The following CTTNBP2 variants were observed in gnomAD, a reference collection of about 807,000 sequenced individuals.
CTTNBP2 encodes cortactin-binding protein 2.
CTTNBP2 carries 108 observed loss-of-function variants against 156.9 expected under a neutral mutation model. The observed-to-expected ratio is 0.69, with a 90% CI of 0.59 to 0.81. The LOEUF is 0.81. Among genes scored for constraint, CTTNBP2 ranks in the 30% least tolerant of loss-of-function variants. CTTNBP2 has a pLI of 0.00. For synonymous variants in CTTNBP2, 767 were observed against 751.8 expected (o/e 1.02, Z -0.33); for missense variants, 1,924 against 2,035.4 (o/e 0.95, Z 1.05).
intron 8 of CTTNBP2, among the ~76,000 whole-genome samples, chr7:117,769,851 C>T (rs1481632841): frequency 6.6e-6 from 1 of 152,180 alleles, no homozygotes; most frequent in Non-Finnish European, 1.5e-5. Flanking sequence ...TAGGTAAGAG[C>T]CACAACAGAC....
chr7:117,791,196 G>A lies in CTTNBP2; in HGVS notation c.2000C>T (p.Ser667Phe), dbSNP rs1798979828. The A allele has an allele frequency of 3.7e-6, 6 of 1,614,176 alleles. No individual in the cohort carries two copies. The East Asian group carries it at 1.3e-4, about 36-fold the overall frequency. ...GGATGAGGCACTAACGGGGTTTATG[G>A]AAGAGCAAAAGGCAATGGTGGTAGG... is the stretch of plus-strand genomic sequence containing the variant. ...VIPTTIAFCS[S>F]INPVSASSCR... The change falls in exon 4 of 23, where the codon TCC (serine) becomes TTC (phenylalanine). Residue 667 changes from serine (S) to phenylalanine (F), a missense_variant. Physicochemically the swap from Ser to Phe is radical, Grantham distance 155 (BLOSUM62 -2). Transcript: ENST00000160373.
intron 2 of CTTNBP2, among the ~76,000 whole-genome samples, chr7:117,812,415 T>A (rs974751626): frequency 6.6e-6 from 1 of 152,058 alleles, no homozygotes; most frequent in African/African-American, 2.4e-5. Flanking sequence ...TAAAGGGAAC[T>A]GAATTGGAAA....
chr7:117,805,431 G>A (rs998781539), intron 3 of CTTNBP2, among the ~76,000 whole-genome samples: 1 of 152,168 alleles, frequency 6.6e-6, no homozygotes, highest in Non-Finnish European at 1.5e-5. Flanking sequence ...CAGACTGCTT[G>A]TCTTCAAGCC....
rs529938858 is a variant in CTTNBP2, at chr7:117,780,422, A to G, written c.2523+19T>C. On this transcript the variant is annotated intron_variant, in intron 7 of 22. Transcript: ENST00000160373. ...TGCAAATTATATATACAGGGGGAAA[A>G]AAACAGACTGCTACTCACTGTGGTT... 6.7e-6 allele frequency: 10 copies of G among 1,486,522 alleles called. No homozygotes were observed. In the South Asian group the frequency reaches 1.4e-4, roughly 21 times the overall value. The allele number at this position is 1,486,522 out of a possible 1,614,324, so 92.1% of individuals were successfully genotyped here. A position where few individuals can be genotyped will look rare whatever the true frequency, so the allele number is the denominator to read the frequency against.
intron 17 of CTTNBP2, among the ~76,000 whole-genome samples, chr7:117,727,156 G>A (rs1189440061): frequency 1.3e-5 from 2 of 152,096 alleles, no homozygotes; most frequent in Non-Finnish European, 2.9e-5. Context: ...CCAATTAGCT[G>A]TTATAAAAAT....
At chr7:117,736,923 TA>T (rs2116499193) in intron 14 of CTTNBP2, among the ~76,000 whole-genome samples, 1 of 152,354 alleles carries the variant, frequency 6.6e-6, no homozygotes, top group African/African-American at 2.4e-5. Context: ...TTTTTACAAA[TA>T]TTCATGATAG....
At position 117,760,549 on chromosome 7, in the gene CTTNBP2, G is replaced by C. The variant is rs200207426; in HGVS notation, c.3058C>G (p.His1020Asp). Residue 1020 changes from histidine to aspartate, a missense_variant, in exon 10 of 23, where the codon CAT becomes GAT. Coordinates refer to ENST00000160373, the MANE Select transcript of CTTNBP2 (RefSeq NM_033427.3). ...CCATCAGAAGAGATTGCCTGGAAAT[G>C]ATTTGTCAGAGCTTGACTCACTGCT... is the stretch of plus-strand genomic sequence containing the variant. ...SKAVSQALTN[H>D]FQAISSDGWW... is the part of the protein sequence containing the mutation. 1.2e-6 allele frequency: 2 copies of C among 1,614,172 alleles called. No homozygotes were observed. Among genetic ancestry groups the C allele is most frequent in the Non-Finnish European group, 1.7e-6 (2 of 1,180,016 alleles).
rs2116298477 is a variant in CTTNBP2 at position 117,711,271 on chromosome 7, C to T, written c.*266G>A. 1 of 359,690 alleles carries T rather than the reference C, an allele frequency of 2.8e-6. No homozygotes were observed. Among genetic ancestry groups the T allele is most frequent in the East Asian group, 5.9e-5 (1 of 17,016 alleles). The allele number at this position is 359,690 out of a possible 1,614,324, so 22.3% of individuals were successfully genotyped here. On this transcript the variant is annotated 3_prime_UTR_variant, in exon 23 of 23. Transcript: ENST00000160373. Reference sequence around the variant, plus strand: ...ATACCCCTGAACATCTTGATTAAAACTATTACAATTTTTCTATTATAAAAC... The same window carrying T: ...ATACCCCTGAACATCTTGATTAAAATTATTACAATTTTTCTATTATAAAAC...
intron 2 of CTTNBP2, among the ~76,000 whole-genome samples, chr7:117,845,630 C>G (rs576201604): frequency 6.6e-6 from 1 of 152,276 alleles, no homozygotes; most frequent in Admixed American, 6.5e-5. Flanking sequence ...CAGGCACTAC[C>G]AATGCTCATT....
Position 117,835,864 on chromosome 7 carries a change from G to C in CTTNBP2, c.190-24875C>G, listed in dbSNP as rs531188319. Among the ~76,000 whole-genome samples the C allele has an allele frequency of 3.3e-5, 5 of 152,216 alleles. No individual in the cohort carries two copies. In the East Asian group the frequency reaches 9.7e-4, roughly 29 times the overall value. On this transcript the variant is annotated intron_variant, in intron 2 of 22. Transcript: ENST00000160373. ...TTCCTAGCTCTGTGATCTCTGCCAA[G>C]TTGCTAACCACTCTAAGCCTCAGTT...
At position 117,728,245 on chromosome 7, in the gene CTTNBP2, G is replaced by A. The variant is rs374131377; in HGVS notation, c.3899C>T (p.Pro1300Leu). 3 of 1,613,750 alleles carry A rather than the reference G, an allele frequency of 1.9e-6. 1 individual carries two copies. Among genetic ancestry groups the A allele is most frequent in the Middle Eastern group, 3.3e-4 (2 of 6,052 alleles). The change falls in exon 17 of 23, where the codon CCC (proline) becomes CTC (leucine). Residue 1300 changes from proline (P) to leucine (L), a missense_variant. Pro to Leu is a moderately conservative substitution (Grantham distance 98, BLOSUM62 -3). Transcript: ENST00000160373. ...VNKFKGQAPS[P>L]CDPVCKIVDW... The stretch of plus-strand genomic sequence containing the variant: ...GACAATCTTGCACACAGGATCGCAG[G>A]GGGAGGGCGCCTGACCTTTGAACTA...
intron 2 of CTTNBP2, among the ~76,000 whole-genome samples, chr7:117,837,993 T>C (rs1164943397): frequency 6.6e-6 from 1 of 152,134 alleles, no homozygotes; most frequent in South Asian, 2.1e-4. Context: ...CCAGGCAGCC[T>C]CCAGAGACAG....
chr7:117,773,172 C>A (rs1002455134), intron 8 of CTTNBP2, among the ~76,000 whole-genome samples: 1 of 152,168 alleles, frequency 6.6e-6, no homozygotes, highest in Non-Finnish European at 1.5e-5. Context: ...GAACTAGCTA[C>A]CCAACTCCAT....
intron 22 of CTTNBP2, among the ~76,000 whole-genome samples, chr7:117,717,164 C>T (rs1255349083): frequency 6.6e-6 from 1 of 152,184 alleles, no homozygotes; most frequent in African/African-American, 2.4e-5. Flanking sequence ...TATTAACCAA[C>T]TGATAATGGT....
intron 3 of CTTNBP2, among the ~76,000 whole-genome samples, chr7:117,809,493 G>A (rs989603641): frequency 6.6e-6 from 1 of 152,160 alleles, no homozygotes; most frequent in Non-Finnish European, 1.5e-5. Flanking sequence ...TGGCTCTTGT[G>A]TATGTGGTTT....
chr7:117,865,455 G>C (rs1804108643), intron 1 of CTTNBP2, among the ~76,000 whole-genome samples: 1 of 151,466 alleles, frequency 6.6e-6, no homozygotes, highest in South Asian at 2.1e-4. Flanking sequence ...GAGCTCAGGA[G>C]TTCAAGACCA....
At chr7:117,785,772 AC>A (rs745585921) in intron 4 of CTTNBP2, among the ~76,000 whole-genome samples, 5 of 152,196 alleles carry the variant, frequency 3.3e-5, no homozygotes, top group Non-Finnish European at 7.3e-5. Context: ...ACCATATTGA[AC>A]CTTCTGCTCA....
At chr7:117,803,093 G>A (rs1799727177) in intron 3 of CTTNBP2, among the ~76,000 whole-genome samples, 1 of 152,164 alleles carries the variant, frequency 6.6e-6, no homozygotes, top group Non-Finnish European at 1.5e-5. Flanking sequence ...GTTTATCTCA[G>A]CACTATTCAC....
At chr7:117,740,654 A>C (rs1312746435) in intron 14 of CTTNBP2, among the ~76,000 whole-genome samples, 1 of 152,152 alleles carries the variant, frequency 6.6e-6, no homozygotes, top group Non-Finnish European at 1.5e-5. Context: ...GTTTGAGTGG[A>C]ATAGCCTAGA....
Sources: allele counts gnomAD v4.1 joint callset (sites outside exome capture counted in the v4.1 genomes callset), GRCh38; gene constraint gnomAD v4.1.1; transcripts MANE v1.5; gene names NCBI Gene and HGNC (gene_info 2026-07-23, HGNC 2026-07-21).